COL4A6: variants seen among roughly 807,000 people sequenced by gnomAD.
COL4A6 encodes collagen type IV alpha 6 chain.
COL4A6 carries 59 observed loss-of-function variants against 126.7 expected under a neutral mutation model. The ratio of observed to expected loss-of-function variants is 0.47; its 90% confidence interval spans 0.38 to 0.58. COL4A6 has a LOEUF of 0.58. Among genes scored for constraint, COL4A6 ranks in the 20% least tolerant of loss-of-function variants. COL4A6 has a pLI of 0.00. For synonymous variants in COL4A6, 547 were observed against 496.6 expected, an observed-to-expected ratio of 1.10 and a Z score of -1.35; for missense variants, 1,285 against 1,337.3, an observed-to-expected ratio of 0.96 and a Z score of 0.61.
intron 3 of COL4A6, among the ~76,000 whole-genome samples, chrX:108,242,735 T>G (rs1318019908): frequency 9.0e-6 from 1 of 110,858 alleles, no homozygotes; most frequent in African/African-American, 3.3e-5. Flanking sequence ...TCCCTGGCAG[T>G]TACCTAGCAA....
intron 2 of COL4A6, among the ~76,000 whole-genome samples, chrX:108,412,071 T>A (rs192219837): frequency 9.0e-6 from 1 of 111,457 alleles, no homozygotes; most frequent in African/African-American, 3.3e-5. Flanking sequence ...ATAAGCCTTA[T>A]CAGAGAAAAA....
intron 5 of COL4A6, among the ~76,000 whole-genome samples, chrX:108,218,816 C>T (rs1409897580): frequency 1.8e-5 from 2 of 111,825 alleles, no homozygotes; most frequent in Non-Finnish European, 3.8e-5. Flanking sequence ...GGCTCTAGGA[C>T]CTCCCACAAA....
intron 20 of COL4A6, among the ~76,000 whole-genome samples, chrX:108,189,293 T>G (rs762353614): frequency 2.7e-5 from 3 of 112,360 alleles, no homozygotes; most frequent in South Asian, 7.5e-4. Context: ...GATTAGTGTT[T>G]CTTGAGTGTG....
At chrX:108,284,152 C>G (rs1038399439) in intron 3 of COL4A6, among the ~76,000 whole-genome samples, 2 of 111,889 alleles carry the variant, frequency 1.8e-5, no homozygotes, top group African/African-American at 6.5e-5. Context: ...AGATACAAAA[C>G]CTAAAAAGCT....
intron 19 of COL4A6, among the ~76,000 whole-genome samples, chrX:108,191,031 T>C (rs952694646): frequency 5.4e-5 from 6 of 111,443 alleles, no homozygotes; most frequent in East Asian, 5.7e-4. Context: ...GCCCACCCCA[T>C]TGGAGCCTTG....
chrX:108,285,217 A>G (rs2147823499), intron 3 of COL4A6, among the ~76,000 whole-genome samples: 1 of 111,343 alleles, frequency 9.0e-6, no homozygotes, highest in African/African-American at 3.3e-5. Context: ...ACAGTAGGAG[A>G]GCCCAAGAGG....
chrX:108,296,494 T>A (rs1174890740), intron 3 of COL4A6, among the ~76,000 whole-genome samples: 1 of 111,850 alleles, frequency 8.9e-6, no homozygotes, highest in Admixed American at 9.5e-5. Context: ...ATATTTCTCC[T>A]CTCACGCCAT....
rs35363062 is a variant in COL4A6 at position 108,163,026 on chromosome X, A to G, written c.4082T>C (p.Leu1361Pro). 5.4e-3 allele frequency: 6,427 copies of G among 1,193,027 alleles called. 197 individuals are homozygous for G. In the African/African-American group the frequency reaches 0.1, roughly 19 times the overall value. ...TGGTGTTTGTCCAGGATCACCTTGG[A>G]GGCCAGAAGAGCCTGTGGGCAGGTG... ...GKAGPRGSSGLQGDPGQTPTA... is the reference protein window; with the variant it reads ...GKAGPRGSSGPQGDPGQTPTA... The change falls in exon 41 of 45, where the codon CTC (leucine) becomes CCC (proline). Residue 1361 changes from leucine to proline, a missense_variant. Coordinates refer to ENST00000334504, the MANE Select transcript of COL4A6 (RefSeq NM_033641.4).
chrX:108,241,706 T>C (rs956364427), intron 3 of COL4A6, among the ~76,000 whole-genome samples: 8 of 108,428 alleles, frequency 7.4e-5, no homozygotes, highest in African/African-American at 2.3e-4. Context: ...AAAAGGGTTC[T>C]ACCTCTTGGT....
chrX:108,270,068 G>A (rs2037408555), intron 3 of COL4A6, among the ~76,000 whole-genome samples: 1 of 112,222 alleles, frequency 8.9e-6, no homozygotes, highest in African/African-American at 3.2e-5. Context: ...GAGAAGTCTT[G>A]AGAGTAGGGT....
intron 13 of COL4A6, among the ~76,000 whole-genome samples, chrX:108,197,624 A>C (rs2035259336): frequency 9.0e-6 from 1 of 111,512 alleles, no homozygotes; most frequent in Admixed American, 9.5e-5. Context: ...TTTTACATAC[A>C]TACTCAGTGC....
intron 3 of COL4A6, among the ~76,000 whole-genome samples, chrX:108,260,508 C>T (rs979256439): frequency 1.0e-4 from 11 of 110,472 alleles, no homozygotes; most frequent in East Asian, 2.9e-4. Context: ...ATAAGCCTCA[C>T]GACATCTGAT....
At chrX:108,170,580 C>T in intron 35 of COL4A6, 29 bp downstream of exon 35, 4 of 1,130,440 alleles carry the variant, frequency 3.5e-6, no homozygotes, top group Non-Finnish European at 4.8e-6. Flanking sequence ...AAAGACTTTT[C>T]CCCACTGCCT....
chrX:108,438,258 C>T lies in COL4A6; in HGVS notation c.-62G>A, dbSNP rs1354508854. On this transcript the variant is annotated 5_prime_UTR_variant, in exon 1 of 45. It removes an upstream start codon present in the reference 5' UTR. Coordinates refer to ENST00000334504, the MANE Select transcript of COL4A6 (RefSeq NM_033641.4). ...GCTAAGCGGCTCCGCGGCCCGTGCTCATCTGGGCTCTGCTGATGCTTGGAG... is the reference window on the plus strand; with the variant it reads ...GCTAAGCGGCTCCGCGGCCCGTGCTTATCTGGGCTCTGCTGATGCTTGGAG... The T allele has an allele frequency of 1.7e-6, 2 of 1,149,322 alleles. No homozygotes were observed. The highest frequency in any genetic ancestry group is 5.7e-5 in the Admixed American group (2 of 34,841). 94.7% of individuals were successfully genotyped at this position (1,149,322 alleles called of 1,213,427 possible). A position where few individuals can be genotyped will look rare whatever the true frequency, so the allele number is the denominator to read the frequency against.
At chrX:108,357,427 A>G (rs2039984495) in intron 2 of COL4A6, among the ~76,000 whole-genome samples, 1 of 111,192 alleles carries the variant, frequency 9.0e-6, no homozygotes, top group Non-Finnish European at 1.9e-5. Context: ...ATACCACTCC[A>G]ACCTGGAATT....
At chrX:108,312,333 G>A (rs936551465) in intron 2 of COL4A6, among the ~76,000 whole-genome samples, 4 of 112,054 alleles carry the variant, frequency 3.6e-5, no homozygotes, top group Admixed American at 2.8e-4. Flanking sequence ...AGATGGCAAA[G>A]CTATGACAAA....
At chrX:108,238,356 C>G (rs2036489350) in intron 3 of COL4A6, among the ~76,000 whole-genome samples, 1 of 109,475 alleles carries the variant, frequency 9.1e-6, no homozygotes. Context: ...ATCCACCCAC[C>G]TTGGCCTCCC....
At chrX:108,221,460 A>G in intron 3 of COL4A6, 86 bp from the exon 4 acceptor site, 1 of 1,039,433 alleles carries the variant, frequency 9.6e-7, no homozygotes, top group Non-Finnish European at 1.3e-6. Flanking sequence ...GAGCACTGTC[A>G]TAACTTCACT....
Position 108,205,662 on chromosome X carries a change from C to A in COL4A6, c.643G>T (p.Asp215Tyr). ...PPGPPGPLGP[D>Y]GNMGLGFQGE... ...GCCCTAAGACAAAGTATACTTACAT[C>A]AGGACCAAGAGGACCAGGAGGCCCT... The change falls in exon 10 of 45, where the codon GAT becomes TAT. Residue 215 changes from aspartate (D) to tyrosine (Y), a missense_variant and splice_region_variant. By Grantham distance (160) the Asp-to-Tyr change is radical. Transcript: ENST00000334504. 8.3e-7 allele frequency: 1 copy of A among 1,208,249 alleles called. No individual in the cohort carries two copies. Among genetic ancestry groups the A allele is most frequent in the Non-Finnish European group, 1.1e-6 (1 of 893,590 alleles).
Sources: allele counts gnomAD v4.1 joint callset (sites outside exome capture counted in the v4.1 genomes callset), GRCh38; gene constraint gnomAD v4.1.1; transcripts MANE v1.5; gene names NCBI Gene and HGNC (gene_info 2026-07-23, HGNC 2026-07-21).